IQSEC1: variants seen among roughly 807,000 people sequenced by gnomAD.
IQSEC1 encodes the protein IQ motif and SEC7 domain-containing protein 1.
IQSEC1 carries 31 observed loss-of-function variants against 91.0 expected under a neutral mutation model. That is an observed-to-expected ratio of 0.34 (90% CI 0.26 to 0.46). IQSEC1 has a LOEUF of 0.46. Among genes scored for constraint, IQSEC1 ranks in the 20% least tolerant of loss-of-function variants. IQSEC1 has a pLI of 1.00. For synonymous variants in IQSEC1, 699 were observed against 662.6 expected, an observed-to-expected ratio of 1.05 and a Z score of -0.84; for missense variants, 1,388 against 1,575.6, an observed-to-expected ratio of 0.88 and a Z score of 2.02.
intron 1 of IQSEC1, among the ~76,000 whole-genome samples, chr3:13,198,052 G>A (rs1213997390): frequency 6.6e-6 from 1 of 152,170 alleles, no homozygotes; most frequent in East Asian, 1.9e-4. Context: ...GGGCACGCAG[G>A]GTCTGAAAGG....
rs2124953146 is a variant in IQSEC1, at chr3:12,899,340, A to G, written c.*1643T>C. 1 of 1,599,478 alleles carries G rather than the reference A, an allele frequency of 6.3e-7. No homozygotes were observed. The highest frequency in any genetic ancestry group is 2.2e-5 in the East Asian group (1 of 44,592). ...AGGCGTGAGCTTCGCCCTTTCTGAA[A>G]GGGCCTCCGCCTGGGCAGGCGCCGG... On this transcript the variant is annotated 3_prime_UTR_variant, in exon 14 of 14. Coordinates refer to ENST00000613206, the MANE Select transcript of IQSEC1 (RefSeq NM_001134382.3).
At chr3:12,938,472 G>A (rs71306028) in intron 2 of IQSEC1, among the ~76,000 whole-genome samples, 3 of 152,172 alleles carry the variant, frequency 2.0e-5, no homozygotes, top group Non-Finnish European at 4.4e-5. Flanking sequence ...AAGAGCTGGG[G>A]GGGCTTGAGG....
At chr3:13,243,641 G>A (rs766243673) in intron 1 of IQSEC1, among the ~76,000 whole-genome samples, 2 of 152,052 alleles carry the variant, frequency 1.3e-5, no homozygotes, top group Non-Finnish European at 2.9e-5. Flanking sequence ...CCTCCAGACC[G>A]AGGAGAAGTT....
At chr3:13,227,417 A>G (rs1306616773) in intron 1 of IQSEC1, among the ~76,000 whole-genome samples, 1 of 150,704 alleles carries the variant, frequency 6.6e-6, no homozygotes, top group Non-Finnish European at 1.5e-5. Flanking sequence ...AAAGAAAACG[A>G]AAAAAGAAAA....
intron 1 of IQSEC1, among the ~76,000 whole-genome samples, chr3:13,195,354 C>T (rs1366503405): frequency 2.6e-5 from 4 of 152,136 alleles, no homozygotes; most frequent in Admixed American, 2.6e-4. Context: ...GGAGAGGATA[C>T]AGAGAAACTA....
intron 1 of IQSEC1, among the ~76,000 whole-genome samples, chr3:13,242,593 G>C (rs1262530282): frequency 1.3e-5 from 2 of 152,334 alleles, no homozygotes; most frequent in South Asian, 2.1e-4. Context: ...TCTTCCTTAG[G>C]GGGAGGCGGG....
chr3:12,907,871 C>T (rs1172656090), intron 12 of IQSEC1, among the ~76,000 whole-genome samples: 4 of 152,216 alleles, frequency 2.6e-5, no homozygotes, highest in African/African-American at 2.4e-5. Flanking sequence ...GGACGAGGCC[C>T]GGGTTTCCCA....
rs756793528 is a variant in IQSEC1, at chr3:12,900,725, C to CTGAT, written c.*254_*257dup. ...ACTTGGCTGGCTCACCGTTTCAAGG[C>CTGAT]TGATGGTGTCTGAGGCCCACCCATC... On this transcript the variant is annotated 3_prime_UTR_variant, in exon 14 of 14. Coordinates refer to ENST00000613206, the MANE Select transcript of IQSEC1 (RefSeq NM_001134382.3). The CTGAT allele has an allele frequency of 1.5e-3, 2,126 of 1,404,348 alleles. 8 individuals are homozygous for CTGAT. Among genetic ancestry groups the CTGAT allele is most frequent in the Non-Finnish European group, 1.8e-3 (1,996 of 1,081,482 alleles). 87.0% of individuals were successfully genotyped at this position (1,404,348 alleles called of 1,614,324 possible). A position where few individuals can be genotyped will look rare whatever the true frequency, so the allele number is the denominator to read the frequency against.
Position 13,282,367 on chromosome 3 carries a change from G to A in IQSEC1, c.272+344C>T, listed in dbSNP as rs930221048. Among the ~76,000 whole-genome samples, 5 of 152,094 alleles carry A rather than the reference G, an allele frequency of 3.3e-5. No homozygotes were observed. The highest frequency in any genetic ancestry group is 1.3e-4 in the Admixed American group (2 of 15,276). The stretch of plus-strand genomic sequence containing the variant: ...CCCTGCTGCTCCGAGACCTAGGTCC[G>A]CTCCCCGGACAGACCTCCGCCCGGC... On this transcript the variant is annotated intron_variant, in intron 1 of 15. Transcript: ENST00000648114. This position sits in a 1 kb window ranked among gnomAD's most constrained non-coding sequence, Gnocchi z 6.4.
rs141932024 is a variant in IQSEC1, at chr3:13,120,330, G to T, written c.302+43774C>A. On this transcript the variant is annotated intron_variant, in intron 2 of 15. Transcript: ENST00000648114. ...AGGAACTGAGGCTTGGTAGGAGGGG[G>T]CACACTCGGTCCAGGACTTCAAAGC... Among the ~76,000 whole-genome samples the T allele has an allele frequency of 4.9e-3, 745 of 152,258 alleles. 9 individuals carry two copies. Among genetic ancestry groups the T allele is most frequent in the African/African-American group, 0.017 (714 of 41,570 alleles).
At chr3:12,945,404 AGGG>A (rs1699115230) in intron 1 of IQSEC1, among the ~76,000 whole-genome samples, 1 of 152,022 alleles carries the variant, frequency 6.6e-6, no homozygotes, top group Non-Finnish European at 1.5e-5. Flanking sequence ...TCCTGGAGCC[AGGG>A]TCCTGGGGGT....
chr3:12,935,832 C>T lies in IQSEC1; in HGVS notation c.1184G>A (p.Arg395His), dbSNP rs201031929. 28 of 1,608,208 alleles carry T rather than the reference C, an allele frequency of 1.7e-5. No homozygotes were observed. Among genetic ancestry groups the T allele is most frequent in the Admixed American group, 6.7e-5 (4 of 60,022 alleles). The change falls in exon 3 of 14, where the codon CGC becomes CAC. Residue 395 changes from arginine (R) to histidine (H), a missense_variant. By Grantham distance (29) the Arg-to-His change is conservative. This residue lies in a region of IQSEC1 where 1,059 missense variants were observed against 1,317.8 expected (regional missense o/e 0.80). Transcript: ENST00000613206. The surrounding 1 kb of genome is among the most constrained non-coding windows in gnomAD (Gnocchi z 8.0). ...ACTGCCCTGCTGCCCGCCAAGGCTG[C>T]GCTCGTAAGCACTCTGCCTCTTGAG... is the stretch of plus-strand genomic sequence containing the variant. ...GSLKRQSAYE[R>H]SLGGQQGSPK... is the part of the protein sequence containing the mutation.
chr3:13,177,850 G>C (rs1044706993), intron 1 of IQSEC1, among the ~76,000 whole-genome samples: 1 of 152,226 alleles, frequency 6.6e-6, no homozygotes, highest in Admixed American at 6.5e-5. Context: ...GAAGGCAGGG[G>C]CCTGCAGGGG....
chr3:12,936,647 C>T lies in IQSEC1; in HGVS notation c.369G>A (p.Ala123=), dbSNP rs74414892. The T allele has an allele frequency of 5.5e-5, 89 of 1,606,708 alleles. No homozygotes were observed. The East Asian group carries it at 1.3e-3, about 23-fold the overall frequency. The change falls in exon 3 of 14, where the codon GCG becomes GCA. Residue 123 remains alanine (A), a synonymous_variant. Coordinates refer to ENST00000613206, the MANE Select transcript of IQSEC1 (RefSeq NM_001134382.3). ...KYGGRLVTRH[A]ARTIQTAFRQ... is the part of the protein sequence containing the mutation. ...GAAACGCCGTCTGGATGGTGCGGGCCGCATGGCGGGTTACCAGGCGCCCCC... is the reference window on the plus strand; with the variant it reads ...GAAACGCCGTCTGGATGGTGCGGGCTGCATGGCGGGTTACCAGGCGCCCCC...
At chr3:13,019,543 C>T (rs571199403) in intron 1 of IQSEC1, among the ~76,000 whole-genome samples, 4 of 152,304 alleles carry the variant, frequency 2.6e-5, no homozygotes, top group South Asian at 2.1e-4. Context: ...GGCTGGGATC[C>T]GCAGAGGGCC....
Position 12,967,500 on chromosome 3 carries a change from A to G in IQSEC1, c.24-25635T>C. 6.9e-7 allele frequency: 1 copy of G among 1,445,602 alleles called. No homozygotes were observed. The highest frequency in any genetic ancestry group is 9.0e-7 in the Non-Finnish European group (1 of 1,107,178). 89.5% of individuals were successfully genotyped at this position (1,445,602 alleles called of 1,614,324 possible). ...GGGCCGGGAGCCGGGACCCAGGCCC[A>G]GCAGAGGCCGCCGACTCCCGCCAGC... is the stretch of plus-strand genomic sequence containing the variant. On this transcript the variant is annotated intron_variant, in intron 1 of 13. Coordinates refer to ENST00000613206, the MANE Select transcript of IQSEC1 (RefSeq NM_001134382.3). This position sits in a 1 kb window ranked among gnomAD's most constrained non-coding sequence, Gnocchi z 5.9.
intron 2 of IQSEC1, among the ~76,000 whole-genome samples, chr3:13,098,132 C>T (rs1241779565): frequency 1.3e-5 from 2 of 152,216 alleles, no homozygotes; most frequent in African/African-American, 4.8e-5. Flanking sequence ...CCCAGCAGAC[C>T]CCAGCATTTC....
At chr3:13,208,230 G>A (rs924935223) in intron 1 of IQSEC1, among the ~76,000 whole-genome samples, 3 of 150,622 alleles carry the variant, frequency 2.0e-5, no homozygotes, top group Non-Finnish European at 4.4e-5. Flanking sequence ...AGAATGCCTT[G>A]GGAGACACAT....
intron 2 of IQSEC1, among the ~76,000 whole-genome samples, chr3:13,088,150 C>T (rs1256909867): frequency 6.6e-6 from 1 of 152,206 alleles, no homozygotes; most frequent in African/African-American, 2.4e-5. Context: ...CCATCTGTTT[C>T]TCACACTGGA....
Sources: allele counts gnomAD v4.1 joint callset (sites outside exome capture counted in the v4.1 genomes callset), GRCh38; gene constraint gnomAD v4.1.1; regional missense constraint gnomAD v4.1.1; non-coding constraint Gnocchi (gnomAD v3.1); transcripts MANE v1.5; gene names NCBI Gene and HGNC (gene_info 2026-07-23, HGNC 2026-07-21).